Variants in METTL15 observed in about 807,000 individuals in gnomAD.
METTL15 encodes 12S rRNA N(4)-cytidine methyltransferase METTL15.
METTL15 carries 34 observed loss-of-function variants against 38.3 expected under a neutral mutation model. The observed-to-expected ratio is 0.89, with a 90% CI of 0.68 to 1.18. METTL15 has a LOEUF of 1.18. METTL15 is among the 50% of genes most tolerant of loss of function. The probability of loss-of-function intolerance (pLI) is 0.00; values close to 1 mark genes in which losing one functional copy is unlikely to be tolerated. For synonymous variants in METTL15, 162 were observed against 170.9 expected, an observed-to-expected ratio of 0.95 and a Z score of 0.41; for missense variants, 438 against 498.4, an observed-to-expected ratio of 0.88 and a Z score of 1.15.
rs1590391269 is a variant in METTL15 at position 28,485,802 on chromosome 11, C to T, written c.*425-40676C>T. ...TTTCTCATAATTCTGGAGGACAGTCCGAGATCACAGTGCAGGCTGATTCAG... is the reference window on the plus strand; with the variant it reads ...TTTCTCATAATTCTGGAGGACAGTCTGAGATCACAGTGCAGGCTGATTCAG... On this transcript the variant is annotated intron_variant and NMD_transcript_variant, in intron 6 of 7. Coordinates refer to the METTL15 transcript ENST00000532947. Among the ~76,000 whole-genome samples the T allele has an allele frequency of 2.6e-5, 4 of 152,164 alleles. No homozygotes were observed. In the East Asian group the frequency reaches 5.8e-4, roughly 22 times the overall value.
At chr11:28,194,122 A>ATCTTTCTTTCATTCTTTCTTTCTT in intron 3 of METTL15, among the ~76,000 whole-genome samples, 1 of 99,168 alleles carries the variant, frequency 1.0e-5, no homozygotes, top group East Asian at 3.3e-4. Context: ...TTGATGGTTG[A>ATCTTTCTTTCATTCTTTCTTTCTT]TCTTTCTTTC....
At chr11:28,394,268 G>A (rs1850545441) in intron 5 of METTL15, among the ~76,000 whole-genome samples, 1 of 151,992 alleles carries the variant, frequency 6.6e-6, no homozygotes, top group African/African-American at 2.4e-5. Flanking sequence ...ATTAACAGAT[G>A]GTTAACAAAG....
In METTL15 at chr11:28,518,154, G is replaced by A. The variant is rs192963815; in HGVS notation, c.*425-8324G>A. Among the ~76,000 whole-genome samples the A allele has an allele frequency of 3.6e-3, 554 of 152,238 alleles. 4 individuals carry two copies. Among genetic ancestry groups the A allele is most frequent in the Non-Finnish European group, 4.2e-3 (283 of 68,010 alleles). On this transcript the variant is annotated intron_variant and NMD_transcript_variant, in intron 6 of 7. Coordinates refer to the METTL15 transcript ENST00000532947. The stretch of plus-strand genomic sequence containing the variant: ...AATGAAAGCCAAAATCACTCAGATT[G>A]CAGGAGAAAGGTTTAAAAAAAAAGC...
chr11:28,242,844 C>T (rs1423084690), intron 4 of METTL15, among the ~76,000 whole-genome samples: 2 of 152,182 alleles, frequency 1.3e-5, no homozygotes, highest in South Asian at 4.2e-4. Flanking sequence ...TCTAGCCAGC[C>T]TTCTTCAAGA....
intron 6 of METTL15, among the ~76,000 whole-genome samples, chr11:28,471,633 ATC>A (rs1246094600): frequency 2.0e-5 from 3 of 151,994 alleles, no homozygotes; most frequent in Admixed American, 1.3e-4. Context: ...ATCTTTTGTC[ATC>A]TCTGGAACAG....
intron 3 of METTL15, among the ~76,000 whole-genome samples, chr11:28,194,748 A>T (rs1851847114): frequency 6.6e-6 from 1 of 151,958 alleles, no homozygotes; most frequent in Admixed American, 6.6e-5. Flanking sequence ...ATCCACGTGG[A>T]TGAATTGTAT....
chr11:28,443,922 A>G (rs1232504374), intron 6 of METTL15, among the ~76,000 whole-genome samples: 2 of 152,206 alleles, frequency 1.3e-5, no homozygotes, highest in East Asian at 3.8e-4. Context: ...ACAATCTTTT[A>G]AAATATTAAA....
At chr11:28,492,598 C>T (rs563883033) in intron 6 of METTL15, among the ~76,000 whole-genome samples, 4 of 152,050 alleles carry the variant, frequency 2.6e-5, no homozygotes, top group South Asian at 2.1e-4. Flanking sequence ...ATGAGCAATT[C>T]GTGATTCGCC....
At chr11:28,435,551 G>A (rs902981607) in intron 6 of METTL15, among the ~76,000 whole-genome samples, 8 of 152,148 alleles carry the variant, frequency 5.3e-5, no homozygotes, top group Non-Finnish European at 1.0e-4. Flanking sequence ...CACTTCAGAA[G>A]AGAATATTGG....
chr11:28,386,120 G>T (rs558917797), intron 5 of METTL15, among the ~76,000 whole-genome samples: 2 of 151,974 alleles, frequency 1.3e-5, no homozygotes, highest in African/African-American at 4.8e-5. Context: ...GATATACACA[G>T]AAAACGAGAA....
chr11:28,523,475 C>G lies in METTL15; in HGVS notation c.*425-3003C>G, dbSNP rs145257743. On this transcript the variant is annotated intron_variant and NMD_transcript_variant, in intron 6 of 7. Transcript: ENST00000532947. ...GGAAGCTGATTGGCTCTCTGAAACA[C>G]TACACAGAAGTCACCAACCAAACAC... Among the ~76,000 whole-genome samples the G allele has an allele frequency of 6.6e-4, 101 of 152,326 alleles. No individual in the cohort carries two copies. In the Middle Eastern group the frequency reaches 0.02, roughly 31 times the overall value.
At chr11:28,467,909 C>T (rs965707516) in intron 6 of METTL15, among the ~76,000 whole-genome samples, 2 of 152,072 alleles carry the variant, frequency 1.3e-5, no homozygotes, top group African/African-American at 4.8e-5. Flanking sequence ...ATTTCCCTTC[C>T]AAAATATATT....
chr11:28,238,719 G>T (rs1375972439), intron 4 of METTL15, among the ~76,000 whole-genome samples: 9 of 152,148 alleles, frequency 5.9e-5, no homozygotes, highest in African/African-American at 7.2e-5. Context: ...GGGAGCTATA[G>T]ACCGGAGCTG....
At chr11:28,204,310 C>G (rs1852228219) in intron 3 of METTL15, among the ~76,000 whole-genome samples, 1 of 151,904 alleles carries the variant, frequency 6.6e-6, no homozygotes, top group South Asian at 2.1e-4. Context: ...TTTTCTTCCT[C>G]TTTCTCTCTT....
At chr11:28,368,083 A>G (rs1217441985) in intron 5 of METTL15, among the ~76,000 whole-genome samples, 12 of 151,562 alleles carry the variant, frequency 7.9e-5, no homozygotes, top group Admixed American at 6.6e-4. Context: ...ACAAAAGCCA[A>G]AATAGACAAA....
intron 3 of METTL15, among the ~76,000 whole-genome samples, chr11:28,341,906 A>G (rs2133354964): frequency 6.6e-6 from 1 of 152,202 alleles, no homozygotes; most frequent in East Asian, 1.9e-4. Flanking sequence ...CATTCCTATC[A>G]CAGTTAATTG....
intron 5 of METTL15, among the ~76,000 whole-genome samples, chr11:28,381,284 C>A (rs1850380430): frequency 6.6e-6 from 1 of 152,136 alleles, no homozygotes; most frequent in African/African-American, 2.4e-5. Context: ...CAAATATAAG[C>A]CACTGTGTTC....
chr11:28,515,026 A>C (rs1851707753), intron 6 of METTL15, among the ~76,000 whole-genome samples: 1 of 152,260 alleles, frequency 6.6e-6, no homozygotes, highest in African/African-American at 2.4e-5. Context: ...ATGTACATTA[A>C]GTATGGCTAC....
intron 4 of METTL15, among the ~76,000 whole-genome samples, chr11:28,251,128 T>C (rs918787423): frequency 5.3e-5 from 8 of 152,078 alleles, no homozygotes; most frequent in African/African-American, 1.9e-4. Context: ...ATCTCTGGTA[T>C]TTCTATTAAC....
Sources: gnomAD v4.1 joint callset for allele counts (sites outside exome capture counted in the v4.1 genomes callset) on GRCh38, gnomAD v4.1.1 for gene constraint, MANE v1.5 for transcripts, NCBI Gene and HGNC (gene_info 2026-07-23, HGNC 2026-07-21) for gene names.